The following FARP2 variants were observed in gnomAD, a reference collection of about 807,000 sequenced individuals.
The protein encoded by FARP2 is FERM, ARHGEF and pleckstrin domain-containing protein 2.
FARP2 carries 111 observed loss-of-function variants against 130.5 expected under a neutral mutation model. That is an observed-to-expected ratio of 0.85 (90% confidence interval 0.73 to 1.00). The LOEUF is 1.00. Among genes scored for constraint, FARP2 ranks in the 50% least tolerant of loss-of-function variants. The pLI, the probability that FARP2 is intolerant of heterozygous loss-of-function variation, is 0.00. For synonymous variants in FARP2, 504 were observed against 516.9 expected (o/e 0.98, Z 0.34); for missense variants, 1,385 against 1,346.3 (o/e 1.03, Z -0.45).
At chr2:241,375,926 C>T (rs2061526238) in intron 2 of FARP2, among the ~76,000 whole-genome samples, 1 of 152,104 alleles carries the variant, frequency 6.6e-6, no homozygotes, top group Admixed American at 6.6e-5. Flanking sequence ...CCTGCTGATA[C>T]ACACCTTTAG....
chr2:241,455,629 C>G (rs955117845), intron 13 of FARP2, among the ~76,000 whole-genome samples: 3 of 151,854 alleles, frequency 2.0e-5, no homozygotes, highest in Admixed American at 6.6e-5. Context: ...TGGTCCACCC[C>G]CCTCAGCCTC....
chr2:241,399,265 T>G (rs888556183), intron 2 of FARP2, among the ~76,000 whole-genome samples: 18 of 152,170 alleles, frequency 1.2e-4, no homozygotes, highest in Admixed American at 3.9e-4. Flanking sequence ...TCCTTATGAT[T>G]TGTAGATCTT....
intron 22 of FARP2, among the ~76,000 whole-genome samples, chr2:241,490,738 C>A (rs1022133664): frequency 1.3e-5 from 2 of 152,184 alleles, no homozygotes; most frequent in African/African-American, 4.8e-5. Flanking sequence ...TGAACCAGGG[C>A]CAATCTTGCA....
intron 24 of FARP2, among the ~76,000 whole-genome samples, chr2:241,492,358 A>G (rs2064950786): frequency 6.6e-6 from 1 of 152,138 alleles, no homozygotes. Flanking sequence ...CCAGTCCAGG[A>G]CACCTGAGAT....
chr2:241,440,546 A>G (rs1466420477), intron 12 of FARP2, among the ~76,000 whole-genome samples: 1 of 152,126 alleles, frequency 6.6e-6, no homozygotes, highest in Non-Finnish European at 1.5e-5. Flanking sequence ...GGAAGGCCCC[A>G]GGTCTCTTGT....
chr2:241,439,932 G>A (rs1352920677), intron 12 of FARP2, among the ~76,000 whole-genome samples: 1 of 152,252 alleles, frequency 6.6e-6, no homozygotes, highest in South Asian at 2.1e-4. Flanking sequence ...ACTCCAGCCT[G>A]AGTGACAAGA....
At chr2:241,427,973 A>C (rs760550216) in intron 8 of FARP2, among the ~76,000 whole-genome samples, 1 of 151,882 alleles carries the variant, frequency 6.6e-6, no homozygotes, top group Non-Finnish European at 1.5e-5. Flanking sequence ...TCACTGTGTT[A>C]GCCAGGATGG....
In FARP2 at chr2:241,407,551, G is replaced by T. The variant is rs1428784868; in HGVS notation, c.346G>T (p.Val116Leu). ...TTTTGTTATAGGGCCAAAGAATGTG[G>T]TGCTTCGCCTAGCTGTAAAATTTTT... ...IRQIRRPKNVVLRLAVKFFPP... is the reference protein window; with the variant it reads ...IRQIRRPKNVLLRLAVKFFPP... Residue 116 changes from valine (V) to leucine (L), a missense_variant, in exon 5 of 27, where the codon GTG becomes TTG. By Grantham distance (32) the Val-to-Leu change is conservative. Transcript: ENST00000264042. 1.9e-6 allele frequency: 3 copies of T among 1,614,000 alleles called. No homozygotes were observed. Among genetic ancestry groups the T allele is most frequent in the African/African-American group, 1.3e-5 (1 of 75,058 alleles).
chr2:241,400,319 G>A (rs2062135464), intron 2 of FARP2, among the ~76,000 whole-genome samples: 1 of 152,246 alleles, frequency 6.6e-6, no homozygotes, highest in African/African-American at 2.4e-5. Flanking sequence ...AGGAGCAGTG[G>A]TGGACAGTCC....
intron 19 of FARP2, chr2:241,478,976 C>G: frequency 2.2e-6 from 1 of 446,028 alleles, no homozygotes. Flanking sequence ...TTTGCAAGAA[C>G]AAGGTTCAAG....
intron 8 of FARP2, among the ~76,000 whole-genome samples, chr2:241,425,841 T>C (rs2062924868): frequency 6.7e-6 from 1 of 148,490 alleles, no homozygotes; most frequent in Non-Finnish European, 1.5e-5. Context: ...TAAAAGGAAA[T>C]TATTTCCAAA....
chr2:241,375,465 A>G (rs528799440), intron 2 of FARP2, among the ~76,000 whole-genome samples: 1 of 152,344 alleles, frequency 6.6e-6, no homozygotes, highest in Admixed American at 6.5e-5. Flanking sequence ...CCCAGAAGAA[A>G]AAAGCACACA....
At chr2:241,476,572 C>T (rs371415369) in intron 19 of FARP2, among the ~76,000 whole-genome samples, 5 of 152,142 alleles carry the variant, frequency 3.3e-5, no homozygotes, top group African/African-American at 1.2e-4. Context: ...GCCTGTAATC[C>T]CAGCTACGCA....
chr2:241,439,016 A>T (rs1211840365), intron 12 of FARP2, among the ~76,000 whole-genome samples: 1 of 151,744 alleles, frequency 6.6e-6, no homozygotes, highest in East Asian at 1.9e-4. Flanking sequence ...GTTCCTTTAC[A>T]CAGTTTGATT....
intron 5 of FARP2, among the ~76,000 whole-genome samples, chr2:241,408,231 G>A (rs1574760128): frequency 1.3e-5 from 2 of 152,136 alleles, no homozygotes; most frequent in East Asian, 1.9e-4. Context: ...AATAAGCCGG[G>A]CATGGTGGCG....
At chr2:241,374,192 A>C (rs1041535498) in intron 2 of FARP2, among the ~76,000 whole-genome samples, 4 of 151,960 alleles carry the variant, frequency 2.6e-5, no homozygotes, top group Admixed American at 2.6e-4. Flanking sequence ...TTGTACTTTT[A>C]GTAGAAACAG....
intron 13 of FARP2, among the ~76,000 whole-genome samples, chr2:241,450,771 C>T (rs959485709): frequency 1.3e-5 from 2 of 152,078 alleles, no homozygotes; most frequent in African/African-American, 4.8e-5. Flanking sequence ...ACCAACATGG[C>T]AAAAACTGTC....
rs1574751086 is a variant in FARP2, at chr2:241,405,111, GCAGTTTCTC to G, written c.331+272_331+280del. ...TTTTGGCCAATATGCAAAAATAACT[GCAGTTTCTC>G]CCTTGATTATGAAAAGACATTGAGA... On this transcript the variant is annotated intron_variant, in intron 4 of 26. Coordinates refer to ENST00000264042, the MANE Select transcript of FARP2 (RefSeq NM_014808.4). 1.0e-5 allele frequency: 3 copies of G among 289,514 alleles called. No individual in the cohort carries two copies. In the East Asian group the frequency reaches 1.8e-4, roughly 17 times the overall value. The allele number at this position is 289,514 out of a possible 1,614,324, so 17.9% of individuals were successfully genotyped here.
intron 1 of FARP2, among the ~76,000 whole-genome samples, chr2:241,359,517 C>G (rs184127922): frequency 1.4e-4 from 22 of 152,308 alleles, no homozygotes; most frequent in African/African-American, 4.6e-4. Flanking sequence ...CTATACTCAT[C>G]CTTTCCCAGC....
Sources: gnomAD v4.1 joint callset for allele counts (sites outside exome capture counted in the v4.1 genomes callset) on GRCh38, gnomAD v4.1.1 for gene constraint, MANE v1.5 for transcripts, NCBI Gene and HGNC (gene_info 2026-07-23, HGNC 2026-07-21) for gene names.